ZNF175: variants seen among roughly 807,000 people sequenced by gnomAD.
ZNF175 encodes the protein zinc finger protein OTK18.
In ZNF175, 8 loss-of-function variants were observed where a neutral mutation model predicts 14.0. That is an observed-to-expected ratio of 0.57 (90% confidence interval 0.34 to 1.03). The LOEUF (loss-of-function observed/expected upper bound fraction) is 1.03. ZNF175 is among the 50% of genes least tolerant of loss of function. ZNF175 has a pLI of 0.03. For missense variants in ZNF175, 764 were observed against 849.5 expected, an observed-to-expected ratio of 0.90 and a Z score of 1.25; for synonymous variants, 255 against 296.8, an observed-to-expected ratio of 0.86 and a Z score of 1.45.
intron 4 of ZNF175, among the ~76,000 whole-genome samples, chr19:51,582,386 C>T (rs1982036063): frequency 6.6e-6 from 1 of 152,174 alleles, no homozygotes; most frequent in Admixed American, 6.5e-5. Flanking sequence ...CAACCTCTGC[C>T]TCCTGGGTTC....
intron 2 of ZNF175, among the ~76,000 whole-genome samples, chr19:51,575,919 ATGAC>A (rs2122560380): frequency 6.6e-6 from 1 of 152,330 alleles, no homozygotes; most frequent in South Asian, 2.1e-4. Context: ...GTTTGTGATT[ATGAC>A]TGTGTAAACT....
intron 2 of ZNF175, among the ~76,000 whole-genome samples, chr19:51,578,852 CA>C (rs1981898677): frequency 6.6e-6 from 1 of 152,058 alleles, no homozygotes; most frequent in Admixed American, 6.5e-5. Context: ...TGCAGTGGCT[CA>C]CACCTGTAAT....
Position 51,591,812 on chromosome 19 carries a change from GC to G in ZNF175, c.*3346del, listed in dbSNP as rs1568579683. The G allele has an allele frequency of 1.6e-4, 24 of 150,346 alleles. No individual in the cohort carries two copies. The highest frequency in any genetic ancestry group is 5.7e-4 in the African/African-American group (23 of 40,544). The allele number at this position is 150,346 out of a possible 1,614,324, so 9.3% of individuals were successfully genotyped here. A position where few individuals can be genotyped will look rare whatever the true frequency, so the allele number is the denominator to read the frequency against. Reference sequence around the variant, plus strand: ...GATGGAGTCTCGCTCTGTCGCCCAGGCTCTGGAGTGCAGTGGCACGATCTCA... The same window carrying G: ...GATGGAGTCTCGCTCTGTCGCCCAGGTCTGGAGTGCAGTGGCACGATCTCA... On this transcript the variant is annotated 3_prime_UTR_variant, in exon 5 of 5. Coordinates refer to ENST00000262259, the MANE Select transcript of ZNF175 (RefSeq NM_007147.4).
chr19:51,577,049 A>G (rs539231145), intron 2 of ZNF175, among the ~76,000 whole-genome samples: 6 of 152,348 alleles, frequency 3.9e-5, no homozygotes, highest in Middle Eastern at 6.8e-3. Context: ...CTCAAAAAAC[A>G]AAAACGAAAA....
intron 4 of ZNF175, among the ~76,000 whole-genome samples, chr19:51,584,240 T>G (rs920565955): frequency 6.6e-6 from 1 of 151,952 alleles, no homozygotes; most frequent in African/African-American, 2.4e-5. Flanking sequence ...AGCCTAGAGG[T>G]GGAGTGACAT....
chr19:51,586,537 A>G, intron 4 of ZNF175, 90 bp from the exon 5 acceptor site: 2 of 1,334,466 alleles, frequency 1.5e-6, no homozygotes, highest in South Asian at 3.0e-5. Flanking sequence ...TGACTCAGCA[A>G]TTTCCTTGTG....
rs201288733 is a variant in ZNF175 at position 51,587,468 on chromosome 19, C to T, written c.1137C>T (p.Phe379=). 2 of 1,614,212 alleles carry T rather than the reference C, an allele frequency of 1.2e-6. No individual in the cohort carries two copies. Among genetic ancestry groups the T allele is most frequent in the Non-Finnish European group, 8.5e-7 (1 of 1,180,038 alleles). ...CCTTTTTCCAGATGTTATCTCTCTT[C>T]AGACATCAGAGAACTCACAGTAGAG... The part of the protein sequence containing the change: ...GKAFFQMLSL[F]RHQRTHSREK... Residue 379 remains phenylalanine, a synonymous_variant, in exon 5 of 5, where the codon TTC becomes TTT. Transcript: ENST00000262259.
In ZNF175 at chr19:51,581,839, G is replaced by A. The variant is rs766266502; in HGVS notation, c.252G>A (p.Glu84=). Residue 84 remains glutamate, a synonymous_variant, in exon 4 of 5, where the codon GAG becomes GAA. Coordinates refer to ENST00000262259, the MANE Select transcript of ZNF175 (RefSeq NM_007147.4). The stretch of plus-strand genomic sequence containing the variant: ...TCTTCAGAATGCTAAAAGAAAAGGA[G>A]CCGCGTGTGGAGGAGGCTGAAGTCT... ...EVIFRMLKEK[E]PRVEEAEVSH... The A allele has an allele frequency of 6.2e-7, 1 of 1,613,938 alleles. No individual in the cohort carries two copies. The highest frequency in any genetic ancestry group is 8.5e-7 in the Non-Finnish European group (1 of 1,179,896).
At chr19:51,573,551 C>A in intron 2 of ZNF175, 150 bp downstream of exon 2, 1 of 693,794 alleles carries the variant, frequency 1.4e-6, no homozygotes, top group Non-Finnish European at 2.4e-6. Flanking sequence ...CATAGGCTAT[C>A]TGTGTTCTAG....
At chr19:51,572,153 T>G (rs1021302428) in intron 1 of ZNF175, among the ~76,000 whole-genome samples, 2 of 152,136 alleles carry the variant, frequency 1.3e-5, no homozygotes, top group Non-Finnish European at 2.9e-5. Context: ...TATTTGTCGT[T>G]TTATGGAAAC....
intron 4 of ZNF175, among the ~76,000 whole-genome samples, chr19:51,585,128 ATAT>A (rs1419787336): frequency 6.6e-6 from 1 of 152,228 alleles, no homozygotes; most frequent in African/African-American, 2.4e-5. Flanking sequence ...ATACAATGAA[ATAT>A]TATTCAGCCT....
chr19:51,587,905 A>G lies in ZNF175; in HGVS notation c.1574A>G (p.His525Arg), dbSNP rs1363578281. 1 of 1,614,220 alleles carries G rather than the reference A, an allele frequency of 6.2e-7. No homozygotes were observed. The highest frequency in any genetic ancestry group is 2.2e-5 in the East Asian group (1 of 44,884). Reference sequence around the variant, plus strand: ...CACCTGAATATACACCAGAAAATTCATACTGGAGAAAGACACCATGTATGC... The same window carrying G: ...CACCTGAATATACACCAGAAAATTCGTACTGGAGAAAGACACCATGTATGC... The part of the protein sequence containing the change: ...KSHLNIHQKI[H>R]TGERHHVCSE... Residue 525 changes from histidine to arginine, a missense_variant, in exon 5 of 5, where the codon CAT becomes CGT. By Grantham distance (29) the His-to-Arg change is conservative. Coordinates refer to ENST00000262259, the MANE Select transcript of ZNF175 (RefSeq NM_007147.4).
intron 2 of ZNF175, among the ~76,000 whole-genome samples, chr19:51,574,485 G>T (rs1487251149): frequency 6.6e-6 from 1 of 152,110 alleles, no homozygotes; most frequent in African/African-American, 2.4e-5. Context: ...GACCAGCCTG[G>T]GCAACATGGC....
At position 51,577,811 on chromosome 19, in the gene ZNF175, C is replaced by T. The variant is rs574207920; in HGVS notation, c.73-3580C>T. On this transcript the variant is annotated intron_variant, in intron 2 of 4. Transcript: ENST00000262259. ...CCCGAGTAGCTGGGACTAAAGGCGC[C>T]CGCCACCACACCAAGCTAATTTTTT... Among the ~76,000 whole-genome samples the T allele has an allele frequency of 5.9e-5, 9 of 151,882 alleles. No homozygotes were observed. In the Middle Eastern group the frequency reaches 0.01, roughly 173 times the overall value.
chr19:51,580,758 A>G (rs1228321175), intron 2 of ZNF175, among the ~76,000 whole-genome samples: 1 of 152,138 alleles, frequency 6.6e-6, no homozygotes, highest in Non-Finnish European at 1.5e-5. Flanking sequence ...TTCTCCCTGA[A>G]TTCACAGTGT....
Position 51,586,831 on chromosome 19 carries a change from T to C in ZNF175, c.500T>C (p.Leu167Ser). The C allele has an allele frequency of 1.2e-6, 2 of 1,614,106 alleles. No homozygotes were observed. Among genetic ancestry groups the C allele is most frequent in the South Asian group, 1.1e-5 (1 of 91,066 alleles). Reference protein sequence around the residue: ...SHSAFFNKKTLNTESNCEYKD... With the variant: ...SHSAFFNKKTSNTESNCEYKD... ...AGTGCTTTCTTCAACAAGAAAACAT[T>C]GAACACAGAAAGCAATTGTGAATAT... Residue 167 changes from leucine (L) to serine (S), a missense_variant, in exon 5 of 5, where the codon TTG becomes TCG. By Grantham distance (145) the Leu-to-Ser change is moderately radical. Transcript: ENST00000262259.
chr19:51,591,793 G>A lies in ZNF175; in HGVS notation c.*3326G>A, dbSNP rs1272053403. 2.0e-5 allele frequency: 3 copies of A among 148,032 alleles called. No homozygotes were observed. Among genetic ancestry groups the A allele is most frequent in the Non-Finnish European group, 4.4e-5 (3 of 67,550 alleles). 9.2% of individuals were successfully genotyped at this position (148,032 alleles called of 1,614,324 possible). ...TTTTTTTTTTTTCTTGTGAGATGGA[G>A]TCTCGCTCTGTCGCCCAGGCTCTGG... On this transcript the variant is annotated 3_prime_UTR_variant, in exon 5 of 5. Coordinates refer to ENST00000262259, the MANE Select transcript of ZNF175 (RefSeq NM_007147.4).
intron 2 of ZNF175, among the ~76,000 whole-genome samples, chr19:51,577,832 T>G (rs1981852921): frequency 6.6e-6 from 1 of 151,466 alleles, no homozygotes; most frequent in Admixed American, 6.6e-5. Flanking sequence ...CCAAGCTAAT[T>G]TTTTGTATTT....
intron 2 of ZNF175, among the ~76,000 whole-genome samples, chr19:51,575,959 C>T (rs1420286498): frequency 6.6e-6 from 1 of 152,164 alleles, no homozygotes. Flanking sequence ...TGTATAGACA[C>T]CCTGATAACT....
Sources: allele counts gnomAD v4.1 joint callset (sites outside exome capture counted in the v4.1 genomes callset), GRCh38; gene constraint gnomAD v4.1.1; transcripts MANE v1.5; gene names NCBI Gene and HGNC (gene_info 2026-07-23, HGNC 2026-07-21).